ACP1: variants seen among roughly 807,000 people sequenced by gnomAD.
ACP1 encodes low molecular weight phosphotyrosine protein phosphatase.
A neutral mutation model predicts 23.4 loss-of-function variants in ACP1; 23 were observed. The observed-to-expected ratio is 0.98, with a 90% confidence interval of 0.71 to 1.39. The LOEUF (loss-of-function observed/expected upper bound fraction) is 1.39, where lower values mean the gene tolerates loss of function less well. Among genes scored for constraint, ACP1 ranks in the 40% most tolerant of loss-of-function variants. The pLI is 0.00. For synonymous variants in ACP1, 72 were observed against 67.2 expected, an observed-to-expected ratio of 1.07 and a Z score of -0.35; for missense variants, 180 against 197.7, an observed-to-expected ratio of 0.91 and a Z score of 0.54.
chr2:267,747 G>T (rs973184762), intron 1 of ACP1, among the ~76,000 whole-genome samples: 1 of 152,144 alleles, frequency 6.6e-6, no homozygotes, highest in Admixed American at 6.5e-5. Context: ...TATATACACT[G>T]GTCCTTTAGG....
intron 3 of ACP1, among the ~76,000 whole-genome samples, chr2:273,405 T>C (rs1020720418): frequency 6.6e-6 from 1 of 152,276 alleles, no homozygotes; most frequent in African/African-American, 2.4e-5. Context: ...CTTTCCAGTT[T>C]TAGCAGGAAG....
rs144561323 is a variant in ACP1, at chr2:272,078, G to A, written c.159G>A (p.Gly53=). 1,717 of 1,613,994 alleles carry A rather than the reference G, an allele frequency of 1.1e-3. 2 individuals are homozygous for A. Among genetic ancestry groups the A allele is most frequent in the Non-Finnish European group, 1.1e-3 (1,340 of 1,180,032 alleles). ...DSAATSGYEI[G]NPPDYRGQSC... ...CGGCAACTTCCGGGTATGAGATAGG[G>A]AACCCCCCTGACTACCGAGGGCAGA... The change falls in exon 3 of 6, where the codon GGG becomes GGA. Residue 53 remains glycine, a synonymous_variant. Coordinates refer to ENST00000272065, the MANE Select transcript of ACP1 (RefSeq NM_004300.4).
intron 4 of ACP1, among the ~76,000 whole-genome samples, chr2:276,395 T>C (rs1344554011): frequency 6.6e-6 from 1 of 152,216 alleles, no homozygotes; most frequent in Non-Finnish European, 1.5e-5. Flanking sequence ...ACCTGACTCA[T>C]CAACTCATCT....
At chr2:270,409 T>C (rs919862899) in intron 1 of ACP1, among the ~76,000 whole-genome samples, 1 of 152,182 alleles carries the variant, frequency 6.6e-6, no homozygotes, top group Non-Finnish European at 1.5e-5. Flanking sequence ...AGTGCCACAA[T>C]CCCTCTGAGT....
intron 3 of ACP1, chr2:272,997 AGTTTCTACT>A (rs1670086706): frequency 6.5e-6 from 1 of 154,456 alleles, no homozygotes; most frequent in African/African-American, 2.4e-5. Context: ...ATACCTTGCC[AGTTTCTACT>A]GGCCATTGTT....
At chr2:265,158 C>A in intron 1 of ACP1, 151 bp downstream of exon 1, 5 of 830,998 alleles carry the variant, frequency 6.0e-6, no homozygotes, top group Non-Finnish European at 7.1e-6. Flanking sequence ...TGTGCCGCAG[C>A]GCCCCTGTTC....
In ACP1 at chr2:272,101, A is replaced by T. The variant is rs1130618; in HGVS notation, c.182A>T (p.Gln61Leu). 1 of 1,614,026 alleles carries T rather than the reference A, an allele frequency of 6.2e-7. No homozygotes were observed. The highest frequency in any genetic ancestry group is 8.5e-7 in the Non-Finnish European group (1 of 1,180,032). ...GGGAACCCCCCTGACTACCGAGGGC[A>T]GAGCTGCATGAAGAGGCACGGCATT... is the stretch of plus-strand genomic sequence containing the variant. ...EIGNPPDYRG[Q>L]SCMKRHGIPM... The change falls in exon 3 of 6, where the codon CAG becomes CTG. Residue 61 changes from glutamine (Q) to leucine (L), a missense_variant. By Grantham distance (113) the Gln-to-Leu change is moderately radical (BLOSUM62 -2). Coordinates refer to ENST00000272065, the MANE Select transcript of ACP1 (RefSeq NM_004300.4).
At chr2:272,173 TG>T in intron 3 of ACP1, 23 bp downstream of exon 3, 3 of 1,614,116 alleles carry the variant, frequency 1.9e-6, no homozygotes, top group Non-Finnish European at 1.7e-6. Flanking sequence ...GACTTGAAGT[TG>T]TGTGTTTTGT....
rs772929351 is a variant in ACP1 at position 272,337 on chromosome 2, T to C, written c.231+187T>C. The C allele has an allele frequency of 4.4e-6, 7 of 1,591,986 alleles. No individual in the cohort carries two copies. In the South Asian group the frequency reaches 7.9e-5, roughly 18 times the overall value. On this transcript the variant is annotated intron_variant, in intron 3 of 5. Transcript: ENST00000272065. ...AAGCTCTTGTTCAATTTCTAATATA[T>C]AGAGTCCAGTAACTTGAGAAGTAGC...
At chr2:275,532 G>A (rs1314798072) in intron 4 of ACP1, 1 of 167,584 alleles carries the variant, frequency 6.0e-6, no homozygotes, top group African/African-American at 2.4e-5. Context: ...AATGATTCCT[G>A]GGCAGGGCAG....
chr2:275,362 A>C (rs376639279), intron 4 of ACP1, 161 bp downstream of exon 4: 100 of 409,370 alleles, frequency 2.4e-4, no homozygotes, highest in African/African-American at 1.9e-3. Context: ...AAAACTTAGT[A>C]ATCTAGAATT....
At position 272,199 on chromosome 2, in the gene ACP1, T is replaced by C. The variant is rs1459434353; in HGVS notation, c.231+49T>C. Reference sequence around the variant, plus strand: ...GTGTGTTTTGTGTTTCAGTGGGTCATTGACAGCGGTGCTGTTTCTGACTGG... The same window carrying C: ...GTGTGTTTTGTGTTTCAGTGGGTCACTGACAGCGGTGCTGTTTCTGACTGG... On this transcript the variant is annotated intron_variant, in intron 3 of 5. Coordinates refer to ENST00000272065, the MANE Select transcript of ACP1 (RefSeq NM_004300.4). The C allele has an allele frequency of 9.3e-6, 15 of 1,614,020 alleles. No individual in the cohort carries two copies. The highest frequency in any genetic ancestry group is 1.3e-5 in the Non-Finnish European group (15 of 1,180,040).
intron 1 of ACP1, chr2:269,469 G>T: frequency 2.5e-6 from 1 of 400,162 alleles, no homozygotes; most frequent in South Asian, 1.9e-5. Flanking sequence ...CATTGTATTT[G>T]TTTATCATAA....
Position 272,085 on chromosome 2 carries a change from C to T in ACP1, c.166C>T (p.Pro56Ser), listed in dbSNP as rs1268210086. 6.2e-7 allele frequency: 1 copy of T among 1,614,178 alleles called. No individual in the cohort carries two copies. The highest frequency in any genetic ancestry group is 1.3e-5 in the African/African-American group (1 of 75,056). ...ATSGYEIGNP[P>S]DYRGQSCMKR... ...TTCCGGGTATGAGATAGGGAACCCC[C>T]CTGACTACCGAGGGCAGAGCTGCAT... is the stretch of plus-strand genomic sequence containing the variant. The change falls in exon 3 of 6, where the codon CCT becomes TCT. Residue 56 changes from proline to serine, a missense_variant. By Grantham distance (74) the Pro-to-Ser change is moderately conservative. This residue lies in a region of ACP1 where 132 missense variants were observed against 124.1 expected (regional missense o/e 1.06). Coordinates refer to ENST00000272065, the MANE Select transcript of ACP1 (RefSeq NM_004300.4).
intron 1 of ACP1, among the ~76,000 whole-genome samples, chr2:265,959 TAA>T (rs1669864700): frequency 1.3e-5 from 2 of 152,230 alleles, no homozygotes; most frequent in South Asian, 4.1e-4. Flanking sequence ...TTTTATTTTA[TAA>T]AGTCAAACCT....
rs1670144320 is a variant in ACP1, at chr2:275,411, G to A, written c.293+210G>A. Reference sequence around the variant, plus strand: ...TTACAAGGAAATACACCTTAGAAAAGGGAAAGTCTAGTTGTTAATAGCATG... The same window carrying A: ...TTACAAGGAAATACACCTTAGAAAAAGGAAAGTCTAGTTGTTAATAGCATG... On this transcript the variant is annotated intron_variant, in intron 4 of 5. Transcript: ENST00000272065. 24 of 345,200 alleles carry A rather than the reference G, an allele frequency of 7.0e-5. 1 individual carries two copies. The East Asian group carries it at 9.9e-4, about 14-fold the overall frequency. The allele number at this position is 345,200 out of a possible 1,614,324, so 21.4% of individuals were successfully genotyped here. A position where few individuals can be genotyped will look rare whatever the true frequency, so the allele number is the denominator to read the frequency against.
At position 272,223 on chromosome 2, in the gene ACP1, G is replaced by A. The variant is rs886043643; in HGVS notation, c.231+73G>A. ...ATTGACAGCGGTGCTGTTTCTGACT[G>A]GAACGTGGGCCGGTCCCCAGACCCA... On this transcript the variant is annotated intron_variant, in intron 3 of 5. Coordinates refer to ENST00000272065, the MANE Select transcript of ACP1 (RefSeq NM_004300.4). 6.2e-7 allele frequency: 1 copy of A among 1,614,170 alleles called. No individual in the cohort carries two copies. Among genetic ancestry groups the A allele is most frequent in the Non-Finnish European group, 8.5e-7 (1 of 1,180,038 alleles).
chr2:277,124 C>A, intron 5 of ACP1, 39 bp downstream of exon 5: 1 of 1,566,426 alleles, frequency 6.4e-7, no homozygotes, highest in Non-Finnish European at 8.8e-7. Flanking sequence ...TATGAAGACC[C>A]AACACATTTG....
chr2:274,402 T>C lies in ACP1; in HGVS notation c.232-738T>C, dbSNP rs1460257243. Among the ~76,000 whole-genome samples, 9 of 152,354 alleles carry C rather than the reference T, an allele frequency of 5.9e-5. No homozygotes were observed. In the East Asian group the frequency reaches 1.7e-3, roughly 29 times the overall value. On this transcript the variant is annotated intron_variant, in intron 3 of 5. Coordinates refer to ENST00000272065, the MANE Select transcript of ACP1 (RefSeq NM_004300.4). ...TAGTCGAAATTCACAAAATAATCTT[T>C]TCATTTGTATTTTAAGTAGGTGTGT...
Sources: allele counts gnomAD v4.1 joint callset (sites outside exome capture counted in the v4.1 genomes callset), GRCh38; gene constraint gnomAD v4.1.1; regional missense constraint gnomAD v4.1.1; transcripts MANE v1.5; gene names NCBI Gene and HGNC (gene_info 2026-07-23, HGNC 2026-07-21).